Variants in STS observed in about 807,000 individuals in gnomAD.
STS encodes steroid sulfatase, also known as steryl-sulfatase.
Under a neutral mutation model 26.8 loss-of-function variants are expected in STS, and 7 were observed. The observed-to-expected ratio is 0.26, with a 90% CI of 0.15 to 0.49. STS has a LOEUF of 0.49. Among genes scored for constraint, STS ranks in the 20% least tolerant of loss-of-function variants. STS has a pLI of 0.98. For synonymous variants in STS, 199 were observed against 189.4 expected (o/e 1.05, Z -0.42); for missense variants, 434 against 465.6 (o/e 0.93, Z 0.63).
intron 7 of STS, among the ~76,000 whole-genome samples, chrX:7,304,755 C>T (rs1926133575): frequency 9.0e-6 from 1 of 111,405 alleles, no homozygotes; most frequent in Non-Finnish European, 1.9e-5. Context: ...CATCAATGAA[C>T]CTGGTACTTT....
chrX:7,181,797 A>G (rs1267263853), intron 1 of STS, among the ~76,000 whole-genome samples: 1 of 112,243 alleles, frequency 8.9e-6, no homozygotes, highest in African/African-American at 3.2e-5. Flanking sequence ...CAAAAAGACA[A>G]TGATCAAGCT....
intron 2 of STS, among the ~76,000 whole-genome samples, chrX:7,223,909 T>C (rs1297365284): frequency 1.8e-5 from 2 of 111,120 alleles, no homozygotes; most frequent in Non-Finnish European, 3.8e-5. Context: ...TTTTTTCACT[T>C]TCCTCATCAT....
At chrX:7,263,471 G>C (rs749546251) in intron 6 of STS, among the ~76,000 whole-genome samples, 2 of 112,986 alleles carry the variant, frequency 1.8e-5, no homozygotes, top group East Asian at 5.5e-4. Context: ...GCAGTACTCA[G>C]TACAGTCACA....
intron 1 of STS, among the ~76,000 whole-genome samples, chrX:7,149,374 C>T (rs960820372): frequency 8.9e-6 from 1 of 112,022 alleles, no homozygotes; most frequent in Non-Finnish European, 1.9e-5. Context: ...TGTCTGTTTC[C>T]TCCTGGGTAA....
At chrX:7,193,017 G>A (rs1391367142) in intron 2 of STS, among the ~76,000 whole-genome samples, 1 of 112,339 alleles carries the variant, frequency 8.9e-6, no homozygotes, top group Non-Finnish European at 1.9e-5. Flanking sequence ...TACTTTGAGG[G>A]ATATGAGTCA....
At chrX:7,243,909 A>G (rs1477223513) in intron 2 of STS, among the ~76,000 whole-genome samples, 2 of 111,375 alleles carry the variant, frequency 1.8e-5, no homozygotes, top group Non-Finnish European at 3.8e-5. Context: ...ACTAACAACA[A>G]CAAAAAAAGA....
rs182341997 is a variant in STS at position 7,341,203 on chromosome X, A to T, written c.1363+7096A>T. Among the ~76,000 whole-genome samples, 3 of 111,918 alleles carry T rather than the reference A, an allele frequency of 2.7e-5. No homozygotes were observed. In the East Asian group the frequency reaches 8.5e-4, roughly 32 times the overall value. On this transcript the variant is annotated intron_variant, in intron 10 of 10. Transcript: ENST00000674429. ...CCATTTGCTTTTGAGTCTGTCTCCC[A>T]TTAATCGAAATGTCTTCCCCTAAGA...
intron 8 of STS, among the ~76,000 whole-genome samples, chrX:7,306,585 G>A (rs1375727149): frequency 1.8e-5 from 2 of 111,971 alleles, no homozygotes; most frequent in African/African-American, 6.5e-5. Flanking sequence ...AGGTGGGTGG[G>A]TAGATGATGA....
chrX:7,227,270 A>T (rs1875123290), intron 2 of STS, among the ~76,000 whole-genome samples: 1 of 111,559 alleles, frequency 9.0e-6, no homozygotes, highest in Non-Finnish European at 1.9e-5. Flanking sequence ...ATTTTTAAAA[A>T]ATTGAATGTT....
At chrX:7,153,924 C>T (rs1283907697) in intron 1 of STS, among the ~76,000 whole-genome samples, 1 of 108,376 alleles carries the variant, frequency 9.2e-6, no homozygotes, top group Non-Finnish European at 1.9e-5. Context: ...CCCTTCCTTT[C>T]TTTCTTCTCT....
At chrX:7,330,920 G>T (rs1927714786) in intron 9 of STS, among the ~76,000 whole-genome samples, 1 of 112,185 alleles carries the variant, frequency 8.9e-6, no homozygotes, top group Admixed American at 9.4e-5. Context: ...TTCTCCTAAA[G>T]ATGTTTCCTT....
At chrX:7,298,399 T>C (rs1289352235) in intron 7 of STS, among the ~76,000 whole-genome samples, 1 of 111,884 alleles carries the variant, frequency 8.9e-6, no homozygotes, top group Non-Finnish European at 1.9e-5. Flanking sequence ...GACTAAAGTT[T>C]TGGAAATCTT....
intron 1 of STS, among the ~76,000 whole-genome samples, chrX:7,186,458 C>T (rs951745775): frequency 9.0e-6 from 1 of 111,244 alleles, no homozygotes; most frequent in Non-Finnish European, 1.9e-5. Flanking sequence ...GTTAGCAAGA[C>T]GGGGTCTAGT....
At position 7,245,142 on chromosome X, in the gene STS, A is replaced by C. The variant is rs912655942; in HGVS notation, c.-4-8054A>C. 5.4e-5 allele frequency among the ~76,000 whole-genome samples: 6 copies of C among 111,177 alleles called. No homozygotes were observed. The Admixed American group carries it at 5.7e-4, about 11-fold the overall frequency. Reference sequence around the variant, plus strand: ...CACTCTTTTGCAAATTCCTGGTATTAGTTATGGATTTGTAAGCCATTAAAT... The same window carrying C: ...CACTCTTTTGCAAATTCCTGGTATTCGTTATGGATTTGTAAGCCATTAAAT... On this transcript the variant is annotated intron_variant, in intron 2 of 10. Transcript: ENST00000674429.
At chrX:7,317,454 G>GGTTT (rs113419040) in intron 8 of STS, among the ~76,000 whole-genome samples, 3,231 of 109,821 alleles carry the variant, frequency 0.029, 70 homozygotes, top group African/African-American at 0.07. Flanking sequence ...CATATCTTTT[G>GGTTT]GTTTGTTTGT....
chrX:7,314,011 G>C (rs892337446), intron 8 of STS, among the ~76,000 whole-genome samples: 5 of 111,351 alleles, frequency 4.5e-5, no homozygotes, highest in Non-Finnish European at 9.4e-5. Flanking sequence ...TACACAGTAG[G>C]CAGGTGTGAA....
intron 10 of STS, among the ~76,000 whole-genome samples, chrX:7,338,962 G>A (rs187792762): frequency 3.4e-4 from 38 of 111,573 alleles, no homozygotes; most frequent in African/African-American, 8.8e-4. Flanking sequence ...GTTCCTTTCC[G>A]GCTTTCTGAA....
At chrX:7,227,984 C>G (rs1921892998) in intron 2 of STS, among the ~76,000 whole-genome samples, 1 of 111,987 alleles carries the variant, frequency 8.9e-6, no homozygotes, top group Non-Finnish European at 1.9e-5. Context: ...CTTTCTGTAC[C>G]TGGCTTATTT....
intron 1 of STS, among the ~76,000 whole-genome samples, chrX:7,157,081 C>G: frequency 8.9e-6 from 1 of 111,871 alleles, no homozygotes; most frequent in African/African-American, 3.2e-5. Flanking sequence ...GTGGATGATG[C>G]AATAGGGAGA....
Sources: gnomAD v4.1 joint callset for allele counts (sites outside exome capture counted in the v4.1 genomes callset) on GRCh38, gnomAD v4.1.1 for gene constraint, MANE v1.5 for transcripts, NCBI Gene and HGNC (gene_info 2026-07-23, HGNC 2026-07-21) for gene names.